RMDN2: variants seen among roughly 807,000 people sequenced by gnomAD.
RMDN2 encodes regulator of microtubule dynamics protein 2.
A neutral mutation model predicts 52.8 loss-of-function variants in RMDN2; 61 were observed. The observed-to-expected ratio is 1.16, with a 90% CI of 0.94 to 1.43. RMDN2 has a LOEUF of 1.43. RMDN2 is among the 40% of genes most tolerant of loss of function. RMDN2 has a pLI of 0.00. For missense variants in RMDN2, 592 were observed against 475.3 expected (o/e 1.25, Z -2.28); for synonymous variants, 180 against 153.1 (o/e 1.18, Z -1.30).
intron 10 of RMDN2, among the ~76,000 whole-genome samples, chr2:38,023,038 A>G: frequency 6.6e-6 from 1 of 152,244 alleles, no homozygotes; most frequent in East Asian, 1.9e-4. Context: ...GGCTCTAAGA[A>G]TGGTAACACT....
intron 10 of RMDN2, among the ~76,000 whole-genome samples, chr2:38,053,023 T>C (rs1028574722): frequency 1.3e-5 from 2 of 152,316 alleles, no homozygotes; most frequent in South Asian, 2.1e-4. Flanking sequence ...AAGGCTCTGT[T>C]ATAGTTCAAG....
upstream of RMDN2, among the ~76,000 whole-genome samples, chr2:37,922,410 C>T (rs1226999894): frequency 7.6e-6 from 1 of 131,314 alleles, no homozygotes; most frequent in Non-Finnish European, 1.6e-5. Context: ...TAAAACCACT[C>T]AAATAAAACC....
upstream of RMDN2, chr2:37,925,188 C>A (rs952539652): frequency 1.3e-5 from 2 of 152,128 alleles, no homozygotes; most frequent in African/African-American, 2.4e-5. Context: ...AAAGGTGCAC[C>A]CAACGCCAGT....
intron 5 of RMDN2, among the ~76,000 whole-genome samples, chr2:37,984,107 G>C (rs1673675155): frequency 1.3e-5 from 2 of 152,182 alleles, no homozygotes; most frequent in Non-Finnish European, 2.9e-5. Flanking sequence ...AAAAGGGTTA[G>C]TATGATTTGG....
At position 38,017,703 on chromosome 2, in the gene RMDN2, G is replaced by A; in HGVS notation, c.*464G>A. ...GTAGTATTGTAACTGGTAATCAAAAGATGTGAATAAAATTACAATAAAATA... is the reference window on the plus strand; with the variant it reads ...GTAGTATTGTAACTGGTAATCAAAAAATGTGAATAAAATTACAATAAAATA... On this transcript the variant is annotated 3_prime_UTR_variant, in exon 11 of 11. Transcript: ENST00000354545. 1 of 444,980 alleles carries A rather than the reference G, an allele frequency of 2.2e-6. No homozygotes were observed. The highest frequency in any genetic ancestry group is 2.2e-5 in the South Asian group (1 of 45,698). 27.6% of individuals were successfully genotyped at this position (444,980 alleles called of 1,614,324 possible).
At chr2:37,949,042 C>G (rs1468312661) in intron 2 of RMDN2, among the ~76,000 whole-genome samples, 1 of 152,128 alleles carries the variant, frequency 6.6e-6, no homozygotes, top group African/African-American at 2.4e-5. Context: ...TATGTTCTTG[C>G]AATGTGCAAA....
In RMDN2 at chr2:37,974,106, T is replaced by A; in HGVS notation, c.519T>A (p.Arg173=). 6.2e-7 allele frequency: 1 copy of A among 1,612,946 alleles called. No individual in the cohort carries two copies. Among genetic ancestry groups the A allele is most frequent in the Non-Finnish European group, 8.5e-7 (1 of 1,179,076 alleles). Residue 173 remains arginine, a synonymous_variant, in exon 3 of 11, where the codon CGT becomes CGA. Transcript: ENST00000354545. ...SFPVPKAFNT[R]VEELNLDVLL... ...CAGTCCCTAAGGCATTTAACACACG[T>A]GTAGAGGAATTAAATTTAGATGTCC...
intron 10 of RMDN2, among the ~76,000 whole-genome samples, chr2:38,015,770 GA>G (rs1480543362): frequency 6.6e-6 from 1 of 152,148 alleles, no homozygotes; most frequent in East Asian, 1.9e-4. Flanking sequence ...CTACAGGAAG[GA>G]GCGATCTAAC....
At chr2:37,926,106 C>T (rs968101459) in intron 1 of RMDN2, among the ~76,000 whole-genome samples, 3 of 152,180 alleles carry the variant, frequency 2.0e-5, no homozygotes, top group Non-Finnish European at 2.9e-5. Flanking sequence ...ACTTAAACCT[C>T]GGGCTTTTTT....
intron 10 of RMDN2, among the ~76,000 whole-genome samples, chr2:38,010,165 C>T (rs867717205): frequency 6.6e-6 from 1 of 152,166 alleles, no homozygotes; most frequent in Admixed American, 6.5e-5. Flanking sequence ...GTCAGGGACC[C>T]ACTTGAGGAG....
At chr2:37,999,161 G>T (rs1368635871) in intron 8 of RMDN2, among the ~76,000 whole-genome samples, 1 of 152,126 alleles carries the variant, frequency 6.6e-6, no homozygotes, top group Admixed American at 6.6e-5. Flanking sequence ...AATCAAAAGT[G>T]GTAAGTAGCA....
intron 2 of RMDN2, chr2:37,951,083 T>C (rs1431163027): frequency 1.2e-5 from 9 of 752,090 alleles, no homozygotes; most frequent in Non-Finnish European, 1.9e-5. Context: ...AGCTCCCCTA[T>C]TCTTCTTATT....
At chr2:37,961,886 T>G (rs780999265) in intron 2 of RMDN2, among the ~76,000 whole-genome samples, 29 of 152,344 alleles carry the variant, frequency 1.9e-4, no homozygotes, top group Middle Eastern at 3.4e-3. Flanking sequence ...GTGGGCGTCC[T>G]TTTTGTTGAT....
intron 3 of RMDN2, 47 bp from the exon 4 acceptor site, chr2:37,975,165 C>T (rs1401851677): frequency 9.1e-7 from 1 of 1,104,948 alleles, no homozygotes; most frequent in Non-Finnish European, 1.4e-6. Flanking sequence ...ATAGAATAGA[C>T]AAGTTACCAA....
In RMDN2 at chr2:37,929,024, G is replaced by A. The variant is rs1666511787; in HGVS notation, c.-16-238G>A. ...TTTTTTGTTTGTTTGTTTTTTAGTG[G>A]TTATTCTAGGGTTTACAGCTATGCA... On this transcript the variant is annotated intron_variant, in intron 1 of 10. Coordinates refer to ENST00000354545, the MANE Select transcript of RMDN2 (RefSeq NM_001170791.3). 4.7e-5 allele frequency: 13 copies of A among 276,874 alleles called. No homozygotes were observed. In the East Asian group the frequency reaches 9.0e-4, roughly 19 times the overall value. 17.2% of individuals were successfully genotyped at this position (276,874 alleles called of 1,614,324 possible).
At position 38,013,541 on chromosome 2, in the gene RMDN2, G is replaced by C. The variant is rs1024603598; in HGVS notation, c.1180-3645G>C. Among the ~76,000 whole-genome samples the C allele has an allele frequency of 2.6e-4, 40 of 152,304 alleles. 1 individual carries two copies. Among genetic ancestry groups the C allele is most frequent in the African/African-American group, 9.6e-4 (40 of 41,576 alleles). On this transcript the variant is annotated intron_variant, in intron 10 of 10. Coordinates refer to ENST00000354545, the MANE Select transcript of RMDN2 (RefSeq NM_001170791.3). ...AATGGCCTGTTGATTAAAGTTTTGA[G>C]CTGTATTTCCAACCTGTTTTATGAG...
intron 2 of RMDN2, among the ~76,000 whole-genome samples, chr2:37,956,519 A>G (rs1294853463): frequency 2.0e-5 from 3 of 151,740 alleles, no homozygotes; most frequent in South Asian, 2.1e-4. Context: ...TTGTTTTTCT[A>G]TTCTCTAATA....
At chr2:38,065,042 A>G (rs910907123) in intron 10 of RMDN2, among the ~76,000 whole-genome samples, 7 of 152,194 alleles carry the variant, frequency 4.6e-5, no homozygotes, top group African/African-American at 1.7e-4. Flanking sequence ...ACACATACCA[A>G]GCTGTTCCTC....
chr2:38,036,237 A>T lies in RMDN2; in HGVS notation c.1714-30745A>T, dbSNP rs865872590. 2.0e-5 allele frequency: 3 copies of T among 152,252 alleles called. No homozygotes were observed. In the South Asian group the frequency reaches 6.2e-4, roughly 32 times the overall value. 9.4% of individuals were successfully genotyped at this position (152,252 alleles called of 1,614,324 possible). ...GAAACCAGAGGCATGGTTCTGTGTA[A>T]TCTCGAGCAAGCTAAGTGGCCATGA... is the stretch of plus-strand genomic sequence containing the variant. On this transcript the variant is annotated intron_variant, in intron 10 of 10. Transcript: ENST00000234195.
Sources: allele counts gnomAD v4.1 joint callset (sites outside exome capture counted in the v4.1 genomes callset), GRCh38; gene constraint gnomAD v4.1.1; transcripts MANE v1.5; gene names NCBI Gene and HGNC (gene_info 2026-07-23, HGNC 2026-07-21).